PUF60: variants seen among roughly 807,000 people sequenced by gnomAD.
PUF60 encodes poly(U) binding splicing factor 60.
A neutral mutation model predicts 61.8 loss-of-function variants in PUF60; 10 were observed. That is an observed-to-expected ratio of 0.16 (90% confidence interval 0.10 to 0.27). PUF60 has a LOEUF of 0.27. Among genes scored for constraint, PUF60 ranks in the 10% least tolerant of loss-of-function variants. The pLI is 1.00. For synonymous variants in PUF60, 353 were observed against 300.9 expected (o/e 1.17, Z -1.79); for missense variants, 371 against 754.0 (o/e 0.49, Z 5.95).
chr8:143,824,377 C>T lies in PUF60; in HGVS notation c.47G>A (p.Gly16Glu), dbSNP rs753578133. The T allele has an allele frequency of 6.2e-7, 1 of 1,612,390 alleles. No homozygotes were observed. The highest frequency in any genetic ancestry group is 8.5e-7 in the Non-Finnish European group (1 of 1,179,782). ...IALQVNGQQGGGSEPAAAAAV... is the reference protein window; with the variant it reads ...IALQVNGQQGEGSEPAAAAAV... ...CGCCGCCGCCGCCGGCTCGGACCCC[C>T]CTCCTTGCTGGCCATTGACCTGCTG... Residue 16 changes from glycine (G) to glutamate (E), a missense_variant, in exon 2 of 12, where the codon GGG (glycine) becomes GAG (glutamate). Physicochemically the swap from Gly to Glu is moderately conservative, Grantham distance 98. Around this residue, in one of 13 missense-constraint regions of PUF60, gnomAD observed 69 missense variants for 64.7 expected, o/e 1.07. Transcript: ENST00000526683.
intron 4 of PUF60, 142 bp from the exon 5 acceptor site, chr8:143,820,858 C>T (rs1816927054): frequency 7.5e-6 from 6 of 804,068 alleles, no homozygotes; most frequent in African/African-American, 1.7e-5. Context: ...TGCCGGCCGC[C>T]AGCACCTGCC....
chr8:143,820,607 C>T (rs551889624), intron 5 of PUF60, 59 bp downstream of exon 5: 5 of 1,546,680 alleles, frequency 3.2e-6, no homozygotes, highest in East Asian at 2.2e-5. Context: ...GGCTGCACTG[C>T]CCCCCTCTAG....
chr8:143,818,544 GAC>G lies in PUF60; in HGVS notation c.349-12_349-11del. On this transcript the variant is annotated splice_polypyrimidine_tract_variant and intron_variant, in intron 5 of 11. Coordinates refer to ENST00000526683, the MANE Select transcript of PUF60 (RefSeq NM_078480.3). The surrounding 1 kb of genome is among the most constrained non-coding windows in gnomAD (Gnocchi z 7.9). ...GCCGCTGAGCCGCCATCTGCAGCAG[GAC>G]AGAGGGGAGAGAACCGCTGGCTCGT... is the stretch of plus-strand genomic sequence containing the variant. 6.3e-7 allele frequency: 1 copy of G among 1,576,316 alleles called. No homozygotes were observed. The highest frequency in any genetic ancestry group is 8.6e-7 in the Non-Finnish European group (1 of 1,161,240).
At chr8:143,827,279 G>C in intron 1 of PUF60, 1 of 432,374 alleles carries the variant, frequency 2.3e-6, no homozygotes, top group South Asian at 1.6e-5. Context: ...CAGAAGAAAG[G>C]AACTGGAACC....
At chr8:143,827,777 G>C (rs954439992) in intron 1 of PUF60, among the ~76,000 whole-genome samples, 2 of 152,304 alleles carry the variant, frequency 1.3e-5, no homozygotes, top group Admixed American at 1.3e-4. Flanking sequence ...CCCGTTCGTG[G>C]GGTCAGTTAT....
At chr8:143,823,042 CTCAAAGGGCAGGA>C (rs1817203465) in intron 2 of PUF60, 1 of 172,346 alleles carries the variant, frequency 5.8e-6, no homozygotes, top group Non-Finnish European at 1.2e-5. Flanking sequence ...CTGGCCCAGG[CTCAAAGGGCAGGA>C]AGCCCTGGAG....
chr8:143,816,946 T>A lies in PUF60; in HGVS notation c.1344A>T (p.Arg448=). The A allele has an allele frequency of 6.3e-7, 1 of 1,593,972 alleles. No individual in the cohort carries two copies. Among genetic ancestry groups the A allele is most frequent in the South Asian group, 1.1e-5 (1 of 88,906 alleles). The part of the protein sequence containing the change: ...EHMSISGSSA[R]HMVMQKLLRK... ...GGAGCAGCTTCTGCATCACCATGTG[T>A]CGGGCGCTACTGCCCGAGATGCTCA... Residue 448 remains arginine (R), a synonymous_variant, in exon 11 of 12, where the codon CGA becomes CGT. Coordinates refer to ENST00000526683, the MANE Select transcript of PUF60 (RefSeq NM_078480.3).
In PUF60 at chr8:143,816,456, C is replaced by G. The variant is rs1816288571; in HGVS notation, c.*64G>C. On this transcript the variant is annotated 3_prime_UTR_variant, in exon 12 of 12. Transcript: ENST00000526683. ...AGCGCGCCTGGCCCCGGGGACACCA[C>G]TGTATCACTATAAAACCCAGAGGAA... 1 of 1,544,208 alleles carries G rather than the reference C, an allele frequency of 6.5e-7. No homozygotes were observed. Among genetic ancestry groups the G allele is most frequent in the Non-Finnish European group, 8.7e-7 (1 of 1,145,874 alleles).
At chr8:143,824,245 CACAG>C (rs1303015415) in intron 2 of PUF60, 64 bp downstream of exon 2, 24 of 1,469,760 alleles carry the variant, frequency 1.6e-5, no homozygotes, top group Non-Finnish European at 1.9e-5. Context: ...CCCAGGGACG[CACAG>C]GCAGGCGGGC....
Position 143,817,200 on chromosome 8 carries a change from A to G in PUF60, c.1145-55T>C. On this transcript the variant is annotated intron_variant, in intron 10 of 11. Coordinates refer to ENST00000526683, the MANE Select transcript of PUF60 (RefSeq NM_078480.3). This position sits in a 1 kb window ranked among gnomAD's most constrained non-coding sequence, Gnocchi z 7.4. ...CACTCCCTACCACCCCCCTTCCCAGAAAGGCACAGAGCTGGCCTGCCCTGG... is the reference window on the plus strand; with the variant it reads ...CACTCCCTACCACCCCCCTTCCCAGGAAGGCACAGAGCTGGCCTGCCCTGG... 1 of 1,531,974 alleles carries G rather than the reference A, an allele frequency of 6.5e-7. No individual in the cohort carries two copies. Among genetic ancestry groups the G allele is most frequent in the Non-Finnish European group, 8.8e-7 (1 of 1,136,760 alleles). The allele number at this position is 1,531,974 out of a possible 1,614,324, so 94.9% of individuals were successfully genotyped here. A position where few individuals can be genotyped will look rare whatever the true frequency, so the allele number is the denominator to read the frequency against.
chr8:143,816,531 G>A lies in PUF60; in HGVS notation c.1669C>T (p.Leu557Phe), dbSNP rs1816305954. ...GAGAGGGACCACTGTCACGCAGAGA[G>A]GTCACTGTTATCAAAACGCTCCTGG... ...YDQERFDNSDLSA is the reference protein window; with the variant it reads ...YDQERFDNSDFSA Residue 557 changes from leucine (L) to phenylalanine (F), a missense_variant, in exon 12 of 12, where the codon CTC (leucine) becomes TTC (phenylalanine). Leu to Phe is a conservative substitution (Grantham distance 22). Coordinates refer to ENST00000526683, the MANE Select transcript of PUF60 (RefSeq NM_078480.3). 2 of 1,610,088 alleles carry A rather than the reference G, an allele frequency of 1.2e-6. No homozygotes were observed. The highest frequency in any genetic ancestry group is 2.2e-5 in the South Asian group (2 of 90,858).
Position 143,818,268 on chromosome 8 carries a change from C to T in PUF60, c.528G>A (p.Glu176=), listed in dbSNP as rs1269293889. 1 of 1,609,868 alleles carries T rather than the reference C, an allele frequency of 6.2e-7. No homozygotes were observed. Among genetic ancestry groups the T allele is most frequent in the Admixed American group, 1.7e-5 (1 of 59,766 alleles). Residue 176 remains glutamate, a synonymous_variant, in exon 7 of 12, where the codon GAG becomes GAA. Transcript: ENST00000526683. This position sits in a 1 kb window ranked among gnomAD's most constrained non-coding sequence, Gnocchi z 7.9. ...GCTGTGCAGCTTCGGGGACCTCATA[C>T]TCCACGAAGGCAAAGCCCTAGACAC... is the stretch of plus-strand genomic sequence containing the variant. ...TMKHKGFAFV[E]YEVPEAAQLA... is the part of the protein sequence containing the mutation.
chr8:143,824,602 G>A (rs540367417), intron 1 of PUF60: 25 of 596,644 alleles, frequency 4.2e-5, no homozygotes, highest in Middle Eastern at 3.0e-4. Flanking sequence ...GAAGCAGAGC[G>A]GAGCATGGGC....
rs997651875 is a variant in PUF60, at chr8:143,816,421, G to C, written c.*99C>G. 1 of 1,354,254 alleles carries C rather than the reference G, an allele frequency of 7.4e-7. No individual in the cohort carries two copies. Among genetic ancestry groups the C allele is most frequent in the Non-Finnish European group, 1.0e-6 (1 of 1,003,790 alleles). The allele number at this position is 1,354,254 out of a possible 1,614,324, so 83.9% of individuals were successfully genotyped here. ...GCACCTTTATCCGCACTGTAGGCTG[G>C]GCTGGGCAGAGCGCGCCTGGCCCCG... On this transcript the variant is annotated 3_prime_UTR_variant, in exon 12 of 12. Coordinates refer to ENST00000526683, the MANE Select transcript of PUF60 (RefSeq NM_078480.3).
At position 143,818,301 on chromosome 8, in the gene PUF60, C is replaced by T. The variant is rs777043005; in HGVS notation, c.511-16G>A. 1.9e-5 allele frequency: 31 copies of T among 1,606,848 alleles called. No individual in the cohort carries two copies. Among genetic ancestry groups the T allele is most frequent in the Middle Eastern group, 1.7e-4 (1 of 6,040 alleles). ...AGGCAAAGCCCTAGACACAGGGACA[C>T]ACCTGTCAGGCTGCGCGAGCCCAGG... On this transcript the variant is annotated splice_polypyrimidine_tract_variant and intron_variant, in intron 6 of 11. Coordinates refer to ENST00000526683, the MANE Select transcript of PUF60 (RefSeq NM_078480.3). The surrounding 1 kb of genome is among the most constrained non-coding windows in gnomAD (Gnocchi z 7.9).
intron 1 of PUF60, among the ~76,000 whole-genome samples, chr8:143,825,345 A>T (rs191557612): frequency 6.6e-6 from 1 of 152,334 alleles, no homozygotes; most frequent in African/African-American, 2.4e-5. Context: ...CAGCACCACC[A>T]GCCCAGCTGC....
chr8:143,829,118 G>GCCCGC, intron 1 of PUF60, 162 bp downstream of exon 1: 2 of 1,164,846 alleles, frequency 1.7e-6, no homozygotes, highest in Non-Finnish European at 2.1e-6. Flanking sequence ...GCCGGCGCGC[G>GCCCGC]CCCGCCCCGC....
chr8:143,827,215 A>G (rs1817731816), intron 1 of PUF60: 1 of 363,428 alleles, frequency 2.8e-6, no homozygotes, highest in Non-Finnish European at 5.5e-6. Flanking sequence ...GAGCTATGCC[A>G]GGCCATGGCA....
intron 2 of PUF60, among the ~76,000 whole-genome samples, chr8:143,822,232 G>A (rs1434084610): frequency 2.6e-5 from 4 of 152,140 alleles, no homozygotes; most frequent in African/African-American, 4.8e-5. Context: ...TTGTCAGTCT[G>A]ACCCCAGAGC....
Sources: gnomAD v4.1 joint callset for allele counts (sites outside exome capture counted in the v4.1 genomes callset) on GRCh38, gnomAD v4.1.1 for gene constraint, gnomAD v4.1.1 regional missense constraint, Gnocchi (gnomAD v3.1) non-coding constraint, MANE v1.5 for transcripts, NCBI Gene and HGNC (gene_info 2026-07-23, HGNC 2026-07-21) for gene names.